The following NR5A2 variants were observed in gnomAD, a reference collection of about 807,000 sequenced individuals.
The protein encoded by NR5A2 is nuclear receptor subfamily 5 group A member 2.
A neutral mutation model predicts 62.7 loss-of-function variants in NR5A2; 26 were observed. That is an observed-to-expected ratio of 0.41 (90% CI 0.30 to 0.58). The LOEUF is 0.58. Ranked by LOEUF, NR5A2 falls within the 20% of genes least tolerant of loss-of-function variation. NR5A2 has a pLI of 0.22. For synonymous variants in NR5A2, 246 were observed against 241.7 expected, an observed-to-expected ratio of 1.02 and a Z score of -0.16; for missense variants, 541 against 669.1, an observed-to-expected ratio of 0.81 and a Z score of 2.11.
At chr1:200,075,749 C>A (rs1663997750) in intron 5 of NR5A2, among the ~76,000 whole-genome samples, 1 of 152,186 alleles carries the variant, frequency 6.6e-6, no homozygotes, top group Non-Finnish European at 1.5e-5. Flanking sequence ...TTGCCCTCCT[C>A]CTTTTAACAC....
intron 5 of NR5A2, among the ~76,000 whole-genome samples, chr1:200,097,668 T>C (rs1040496611): frequency 2.0e-5 from 3 of 152,158 alleles, no homozygotes; most frequent in Non-Finnish European, 1.5e-5. Context: ...ATGGAAGACA[T>C]AAAGGGATTG....
At chr1:200,149,348 A>G (rs915927574) in intron 7 of NR5A2, among the ~76,000 whole-genome samples, 3 of 152,198 alleles carry the variant, frequency 2.0e-5, no homozygotes, top group African/African-American at 7.2e-5. Flanking sequence ...GTTTCCCACA[A>G]CAGTTGGCTT....
intron 7 of NR5A2, among the ~76,000 whole-genome samples, chr1:200,154,400 C>A (rs752701263): frequency 1.3e-5 from 2 of 152,198 alleles, no homozygotes; most frequent in Non-Finnish European, 2.9e-5. Context: ...TGGGAGGGAA[C>A]CTGTGGCTGT....
In NR5A2 at chr1:200,048,361, C is replaced by T. The variant is rs775424771; in HGVS notation, c.653C>T (p.Ser218Phe). 1.9e-6 allele frequency: 3 copies of T among 1,614,222 alleles called. No homozygotes were observed. The highest frequency in any genetic ancestry group is 2.5e-6 in the Non-Finnish European group (3 of 1,180,046). Residue 218 changes from serine to phenylalanine, a missense_variant, in exon 5 of 8, where the codon TCT (serine) becomes TTT (phenylalanine). By Grantham distance (155) the Ser-to-Phe change is radical (BLOSUM62 -2). Coordinates refer to ENST00000367362, the MANE Select transcript of NR5A2 (RefSeq NM_205860.3). This position sits in a 1 kb window ranked among gnomAD's most constrained non-coding sequence, Gnocchi z 4.8. ...TISSAIQNIH[S>F]ASKGLPLNHA... ...TCCTCTGCAATTCAAAACATCCACT[C>T]TGCCTCCAAAGGCCTACCTCTGAAC...
In NR5A2 at chr1:200,130,278, G is replaced by GGAAGAAGAA. The variant is rs66507419; in HGVS notation, c.1378+9360_1378+9368dup. On this transcript the variant is annotated intron_variant, in intron 7 of 7. Coordinates refer to ENST00000367362, the MANE Select transcript of NR5A2 (RefSeq NM_205860.3). The stretch of plus-strand genomic sequence containing the variant: ...GAGATCTGCTTGCAGGAACTAACTA[G>GGAAGAAGAA]GAAGAAGAAGAAGAAGAAGAAGAAG... Among the ~76,000 whole-genome samples, 732 of 106,494 alleles carry GGAAGAAGAA rather than the reference G, an allele frequency of 6.9e-3. 4 individuals carry two copies. Among genetic ancestry groups the GGAAGAAGAA allele is most frequent in the Middle Eastern group, 0.012 (2 of 164 alleles). 69.9% of individuals were successfully genotyped at this position (106,494 alleles called of 152,430 possible).
chr1:200,151,507 G>A (rs1335249557), intron 7 of NR5A2, among the ~76,000 whole-genome samples: 2 of 152,154 alleles, frequency 1.3e-5, no homozygotes, highest in Admixed American at 6.5e-5. Context: ...AGCACAACTT[G>A]TTAGATGCTC....
At position 200,041,992 on chromosome 1, in the gene NR5A2, A is replaced by G. The variant is rs776683641; in HGVS notation, c.203-1782A>G. Among the ~76,000 whole-genome samples, 140 of 152,302 alleles carry G rather than the reference A, an allele frequency of 9.2e-4. 2 individuals are homozygous for G. The highest frequency in any genetic ancestry group is 1.0e-4 in the Non-Finnish European group (7 of 68,024). Reference sequence around the variant, plus strand: ...CGCCTTGTTCCTAAAACATGCCTCAAGACTGTCATCGCGATTGTTAGGAGA... The same window carrying G: ...CGCCTTGTTCCTAAAACATGCCTCAGGACTGTCATCGCGATTGTTAGGAGA... On this transcript the variant is annotated intron_variant, in intron 2 of 7. Coordinates refer to ENST00000367362, the MANE Select transcript of NR5A2 (RefSeq NM_205860.3).
At chr1:200,164,339 C>A (rs889925018) in intron 7 of NR5A2, among the ~76,000 whole-genome samples, 1 of 152,198 alleles carries the variant, frequency 6.6e-6, no homozygotes, top group Non-Finnish European at 1.5e-5. Flanking sequence ...ACCTCTGGGG[C>A]ATCAGGAATT....
intron 3 of NR5A2, chr1:200,044,452 T>C (rs1024444709): frequency 1.3e-5 from 2 of 152,074 alleles, no homozygotes; most frequent in Admixed American, 1.3e-4. Flanking sequence ...TTTATAAATA[T>C]ATGACCTATT....
At chr1:200,149,079 AT>A (rs1388896061) in intron 7 of NR5A2, among the ~76,000 whole-genome samples, 1 of 151,866 alleles carries the variant, frequency 6.6e-6, no homozygotes, top group African/African-American at 2.4e-5. Context: ...TGCCCAACTA[AT>A]TTTTGTATTT....
In NR5A2 at chr1:200,147,156, C is replaced by T. The variant is rs946729064; in HGVS notation, c.1378+26201C>T. On this transcript the variant is annotated intron_variant, in intron 7 of 7. Transcript: ENST00000367362. The surrounding 1 kb of genome is among the most constrained non-coding windows in gnomAD (Gnocchi z 4.9). Reference sequence around the variant, plus strand: ...TTTCCGAAAAAAGTGGGCTGTGATGCAAGGTACTGTGAGATAAAGAAGCAA... The same window carrying T: ...TTTCCGAAAAAAGTGGGCTGTGATGTAAGGTACTGTGAGATAAAGAAGCAA... 6.6e-6 allele frequency among the ~76,000 whole-genome samples: 1 copy of T among 152,162 alleles called. No homozygotes were observed. The highest frequency in any genetic ancestry group is 1.5e-5 in the Non-Finnish European group (1 of 68,028).
intron 1 of NR5A2, chr1:200,029,160 C>G (rs765163142): frequency 2.7e-5 from 11 of 406,656 alleles, no homozygotes; most frequent in South Asian, 1.0e-4. Flanking sequence ...CGCGCAGCTC[C>G]GGTTCCGCGT....
intron 7 of NR5A2, among the ~76,000 whole-genome samples, chr1:200,123,729 TATTTTTA>T: frequency 6.7e-6 from 1 of 149,474 alleles, no homozygotes; most frequent in Admixed American, 6.8e-5. Context: ...TCAGAAGTTT[TATTTTTA>T]TTTTACTTAT....
intron 7 of NR5A2, among the ~76,000 whole-genome samples, chr1:200,123,551 T>C (rs1177756936): frequency 6.6e-6 from 1 of 152,112 alleles, no homozygotes; most frequent in Non-Finnish European, 1.5e-5. Context: ...ACTGGGGCTA[T>C]AGTGGCAAGA....
intron 5 of NR5A2, among the ~76,000 whole-genome samples, chr1:200,085,655 C>T (rs1156930963): frequency 2.1e-5 from 3 of 140,702 alleles, no homozygotes; most frequent in Non-Finnish European, 4.5e-5. Flanking sequence ...AGAATGAAGA[C>T]CTATCTCAAA....
intron 7 of NR5A2, among the ~76,000 whole-genome samples, chr1:200,136,456 A>G (rs1667229402): frequency 6.6e-6 from 1 of 152,250 alleles, no homozygotes; most frequent in Non-Finnish European, 1.5e-5. Flanking sequence ...GTATGAGCAG[A>G]GTACATTATA....
At chr1:200,148,230 G>A (rs1396109894) in intron 7 of NR5A2, 2 of 230,080 alleles carry the variant, frequency 8.7e-6, no homozygotes, top group Non-Finnish European at 1.8e-5. Flanking sequence ...ACTCCACAGC[G>A]GCAGCATCCA....
intron 5 of NR5A2, among the ~76,000 whole-genome samples, chr1:200,108,136 C>T (rs1334499411): frequency 6.7e-6 from 1 of 148,984 alleles, no homozygotes; most frequent in African/African-American, 2.5e-5. Flanking sequence ...CTCTGTCACC[C>T]AGCCTGGAAT....
chr1:200,107,409 C>T (rs946921760), intron 5 of NR5A2, among the ~76,000 whole-genome samples: 3 of 150,832 alleles, frequency 2.0e-5, no homozygotes, highest in Non-Finnish European at 4.4e-5. Flanking sequence ...AATCATAATA[C>T]TTTGCGAAAG....
Sources: gnomAD v4.1 joint callset for allele counts (sites outside exome capture counted in the v4.1 genomes callset) on GRCh38, gnomAD v4.1.1 for gene constraint, Gnocchi (gnomAD v3.1) non-coding constraint, MANE v1.5 for transcripts, NCBI Gene and HGNC (gene_info 2026-07-23, HGNC 2026-07-21) for gene names.